CSMD3: variants seen among roughly 807,000 people sequenced by gnomAD.
CSMD3 encodes the protein CUB and Sushi multiple domains 3, also known as CUB and sushi domain-containing protein 3.
In CSMD3, 177 loss-of-function variants were observed where a neutral mutation model predicts 435.2. The ratio of observed to expected loss-of-function variants is 0.41; its 90% CI spans 0.36 to 0.46. The LOEUF is 0.46. Among genes scored for constraint, CSMD3 ranks in the 20% least tolerant of loss-of-function variants. The pLI, the probability that CSMD3 is intolerant of heterozygous loss-of-function variation, is 0.34. For missense variants in CSMD3, 4,265 were observed against 4,504.6 expected, an observed-to-expected ratio of 0.95 and a Z score of 1.52; for synonymous variants, 1,656 against 1,520.5, an observed-to-expected ratio of 1.09 and a Z score of -2.07.
intron 1 of CSMD3, among the ~76,000 whole-genome samples, chr8:113,388,524 C>T (rs953978008): frequency 1.3e-5 from 2 of 151,500 alleles, no homozygotes; most frequent in South Asian, 2.1e-4. Flanking sequence ...ATTTGACCAA[C>T]ATCTTTAATT....
At chr8:113,317,776 A>C (rs1046381856) in intron 1 of CSMD3, among the ~76,000 whole-genome samples, 2 of 152,090 alleles carry the variant, frequency 1.3e-5, no homozygotes, top group African/African-American at 4.8e-5. Flanking sequence ...TTTCCTAGGC[A>C]CAAGCAGATA....
At chr8:112,456,661 G>A (rs73702813) in intron 32 of CSMD3, among the ~76,000 whole-genome samples, 2,665 of 152,060 alleles carry the variant, frequency 0.018, 80 homozygotes, top group African/African-American at 0.061. Context: ...TTATGGTTTA[G>A]GGTGGGTCAG....
intron 13 of CSMD3, among the ~76,000 whole-genome samples, chr8:112,698,613 G>A (rs577600476): frequency 6.6e-6 from 1 of 152,110 alleles, no homozygotes; most frequent in Non-Finnish European, 1.5e-5. Context: ...CATATCAAAA[G>A]GACATAGAGG....
chr8:113,293,836 AG>A (rs1220098546), intron 2 of CSMD3, among the ~76,000 whole-genome samples: 1 of 152,166 alleles, frequency 6.6e-6, no homozygotes, highest in African/African-American at 2.4e-5. Context: ...AGATGTAGGA[AG>A]AAAAATACAT....
rs16883392 is a variant in CSMD3, at chr8:112,310,900, T to C, written c.7885+78A>G. 9,179 of 1,200,500 alleles carry C rather than the reference T, an allele frequency of 7.6e-3. 517 individuals are homozygous for C. In the African/African-American group the frequency reaches 0.12, roughly 16 times the overall value. The allele number at this position is 1,200,500 out of a possible 1,614,324, so 74.4% of individuals were successfully genotyped here. A position where few individuals can be genotyped will look rare whatever the true frequency, so the allele number is the denominator to read the frequency against. ...CGAATATTTCCATTCTCAGAAAAGTTAGTGATCCAAATAAAAACGTTAAAT... is the reference window on the plus strand; with the variant it reads ...CGAATATTTCCATTCTCAGAAAAGTCAGTGATCCAAATAAAAACGTTAAAT... On this transcript the variant is annotated intron_variant, in intron 50 of 70. Coordinates refer to ENST00000297405, the MANE Select transcript of CSMD3 (RefSeq NM_198123.2).
At chr8:113,068,647 G>A (rs1209587534) in intron 5 of CSMD3, among the ~76,000 whole-genome samples, 3 of 152,056 alleles carry the variant, frequency 2.0e-5, no homozygotes, top group Non-Finnish European at 4.4e-5. Flanking sequence ...CCTATTAGAT[G>A]ACCAGAACTA....
chr8:112,587,031 A>G (rs1349043503), intron 23 of CSMD3, 35 bp downstream of exon 23: 2 of 1,499,876 alleles, frequency 1.3e-6, no homozygotes, highest in Non-Finnish European at 1.9e-6. Context: ...ATGACTAAAA[A>G]TGAACAATAT....
At chr8:112,913,952 T>C (rs1164652019) in intron 10 of CSMD3, among the ~76,000 whole-genome samples, 2 of 151,944 alleles carry the variant, frequency 1.3e-5, no homozygotes, top group Non-Finnish European at 2.9e-5. Flanking sequence ...ATGCATACTT[T>C]TTCGTTGCTG....
intron 66 of CSMD3, among the ~76,000 whole-genome samples, chr8:112,238,963 T>C (rs75989032): frequency 0.035 from 5,392 of 152,136 alleles, 121 homozygotes; most frequent in Non-Finnish European, 0.046. Flanking sequence ...TGAACTTCAA[T>C]CTAACTTAAT....
intron 32 of CSMD3, among the ~76,000 whole-genome samples, chr8:112,439,761 A>G (rs1586329319): frequency 6.6e-6 from 1 of 152,090 alleles, no homozygotes; most frequent in East Asian, 1.9e-4. Flanking sequence ...CAAAGGGGGA[A>G]AAGGTCCCTC....
chr8:113,349,872 A>G (rs939176733), intron 1 of CSMD3, among the ~76,000 whole-genome samples: 2 of 151,896 alleles, frequency 1.3e-5, no homozygotes, highest in Non-Finnish European at 2.9e-5. Context: ...TATGAAATCT[A>G]TTTCCCCTTC....
rs1184708224 is a variant in CSMD3, at chr8:113,314,648, C to G, written c.324G>C (p.Gln108His). The G allele has an allele frequency of 6.2e-7, 1 of 1,611,134 alleles. No homozygotes were observed. Among genetic ancestry groups the G allele is most frequent in the Admixed American group, 1.7e-5 (1 of 59,998 alleles). The change falls in exon 2 of 71, where the codon CAG becomes CAC. Residue 108 changes from glutamine (Q) to histidine (H), a missense_variant. Transcript: ENST00000297405. ...EERNRIQIVF[Q>H]SFALEEEYDY... is the part of the protein sequence containing the mutation. ...CGTATTCTTCTTCTAGAGCAAATGA[C>G]TGAAAAACAATTTGTATTCTATTTC...
chr8:112,376,677 C>T (rs955409108), intron 38 of CSMD3, among the ~76,000 whole-genome samples: 6 of 152,100 alleles, frequency 3.9e-5, no homozygotes, highest in African/African-American at 1.2e-4. Flanking sequence ...ATTATGGACA[C>T]CAGCATCAGT....
chr8:112,591,307 A>G (rs1831173297), intron 22 of CSMD3, among the ~76,000 whole-genome samples: 1 of 152,154 alleles, frequency 6.6e-6, no homozygotes, highest in East Asian at 1.9e-4. Context: ...GAAGTGGGAA[A>G]GAAATGTGTA....
chr8:112,741,812 GATA>G (rs2077316606), intron 13 of CSMD3, among the ~76,000 whole-genome samples: 3 of 151,862 alleles, frequency 2.0e-5, no homozygotes, highest in Non-Finnish European at 4.4e-5. Flanking sequence ...TAGATAGATA[GATA>G]GATAGATAGA....
chr8:113,160,197 T>C (rs896557606), intron 4 of CSMD3, among the ~76,000 whole-genome samples: 4 of 151,968 alleles, frequency 2.6e-5, no homozygotes, highest in Admixed American at 2.6e-4. Context: ...TAACAAATTT[T>C]AAAGGAGCAT....
chr8:113,128,283 A>G (rs1190239182), intron 4 of CSMD3, among the ~76,000 whole-genome samples: 1 of 152,072 alleles, frequency 6.6e-6, no homozygotes, highest in Non-Finnish European at 1.5e-5. Flanking sequence ...TAATGAAAAG[A>G]GGAAGGAAAA....
At chr8:112,881,795 A>G (rs1212308177) in intron 10 of CSMD3, among the ~76,000 whole-genome samples, 1 of 152,010 alleles carries the variant, frequency 6.6e-6, no homozygotes, top group East Asian at 1.9e-4. Context: ...GAGAAAAAGG[A>G]ACAAATTCTT....
chr8:113,282,380 T>A (rs192607433), intron 2 of CSMD3, among the ~76,000 whole-genome samples: 2 of 151,952 alleles, frequency 1.3e-5, no homozygotes, highest in Non-Finnish European at 2.9e-5. Flanking sequence ...CAGCAAAGTT[T>A]CCATATACAA....
Sources: gnomAD v4.1 joint callset for allele counts (sites outside exome capture counted in the v4.1 genomes callset) on GRCh38, gnomAD v4.1.1 for gene constraint, MANE v1.5 for transcripts, NCBI Gene and HGNC (gene_info 2026-07-23, HGNC 2026-07-21) for gene names.